The following EXOC2 variants were observed in gnomAD, a reference collection of about 807,000 sequenced individuals.
The protein encoded by EXOC2 is SEC5-like 1.
In EXOC2, 70 loss-of-function variants were observed where a neutral mutation model predicts 131.8. The observed-to-expected ratio is 0.53, with a 90% CI of 0.44 to 0.65. The LOEUF is 0.65. Among genes scored for constraint, EXOC2 ranks in the 30% least tolerant of loss-of-function variants. The pLI is 0.00. For synonymous variants in EXOC2, 411 were observed against 398.4 expected (o/e 1.03, Z -0.38); for missense variants, 923 against 1,108.6 (o/e 0.83, Z 2.38).
intron 23 of EXOC2, chr6:525,051 A>C (rs1581366337): frequency 6.6e-6 from 1 of 151,932 alleles, no homozygotes; most frequent in Admixed American, 6.5e-5. Flanking sequence ...AGTGCTTCTC[A>C]CAGCTGGGTT....
chr6:684,535 T>A (rs967917099), intron 1 of EXOC2, among the ~76,000 whole-genome samples: 1 of 152,226 alleles, frequency 6.6e-6, no homozygotes, highest in East Asian at 1.9e-4. Flanking sequence ...ATTTTCCTTA[T>A]AGATATACTA....
chr6:610,159 T>C lies in EXOC2; in HGVS notation c.681A>G (p.Glu227=), dbSNP rs1267150683. 1 of 1,613,940 alleles carries C rather than the reference T, an allele frequency of 6.2e-7. No homozygotes were observed. ...DALSAIHQKL[E]ADGTEKVEGS... ...CTTCTACTTTTTCCGTTCCATCTGC[T>C]TCTAGTTTTTGATGGATGGCTAGAA... The change falls in exon 7 of 28, where the codon GAA becomes GAG. Residue 227 remains glutamate, a synonymous_variant. Transcript: ENST00000230449.
intron 11 of EXOC2, among the ~76,000 whole-genome samples, chr6:589,290 C>A (rs1025989675): frequency 2.0e-5 from 3 of 151,752 alleles, no homozygotes; most frequent in Admixed American, 1.3e-4. Context: ...GTGTCTGGAA[C>A]GCGTCTCAAT....
rs143454293 is a variant in EXOC2, at chr6:549,073, G to A, written c.2238+102C>T. On this transcript the variant is annotated intron_variant, in intron 22 of 27. Transcript: ENST00000230449. ...AGCAGTGTGGCTGTGGGGGCGGCAC[G>A]CAGAGGGAATGGGCACTGCTAGCAG... is the stretch of plus-strand genomic sequence containing the variant. 2.2e-4 allele frequency: 194 copies of A among 895,436 alleles called. No homozygotes were observed. The African/African-American group carries it at 2.6e-3, about 12-fold the overall frequency. The allele number at this position is 895,436 out of a possible 1,614,324, so 55.5% of individuals were successfully genotyped here.
At chr6:590,015 T>TGAGGCAGGAGAATGGTGTGAACCTGG (rs1235787879) in intron 11 of EXOC2, among the ~76,000 whole-genome samples, 9 of 151,786 alleles carry the variant, frequency 5.9e-5, no homozygotes, top group African/African-American at 2.2e-4. Flanking sequence ...CTTGGGAGGC[T>TGAGGCAGGAGAATGGTGTGAACCTGG]GAGGCAGGAG....
rs1264525250 is a variant in EXOC2 at position 610,176 on chromosome 6, T to C, written c.664A>G (p.Ile222Val). 1.9e-6 allele frequency: 3 copies of C among 1,613,374 alleles called. No individual in the cohort carries two copies. Among genetic ancestry groups the C allele is most frequent in the Non-Finnish European group, 2.5e-6 (3 of 1,179,674 alleles). Residue 222 changes from isoleucine to valine, a missense_variant and splice_region_variant, in exon 7 of 28, where the codon ATC (isoleucine) becomes GTC (valine). Transcript: ENST00000230449. ...FFEAQDALSA[I>V]HQKLEADGTE... ...CCATCTGCTTCTAGTTTTTGATGGA[T>C]GGCTAGAAAAAAAAATCTAGTTAAA...
At chr6:663,327 C>T (rs1302797785) in intron 1 of EXOC2, among the ~76,000 whole-genome samples, 1 of 152,022 alleles carries the variant, frequency 6.6e-6, no homozygotes, top group Non-Finnish European at 1.5e-5. Context: ...AAGAAAAGTC[C>T]AGGACCAGAG....
intron 1 of EXOC2, among the ~76,000 whole-genome samples, chr6:680,910 C>T (rs763183521): frequency 5.3e-5 from 8 of 152,132 alleles, no homozygotes; most frequent in Non-Finnish European, 1.0e-4. Context: ...GAAACGGTGG[C>T]CGGGCTGACC....
intron 1 of EXOC2, among the ~76,000 whole-genome samples, chr6:643,107 C>G (rs1762428476): frequency 6.6e-6 from 1 of 152,082 alleles, no homozygotes; most frequent in Non-Finnish European, 1.5e-5. Context: ...ACAAGAGCTT[C>G]AAAACCCATT....
chr6:533,891 G>A (rs1384525580), intron 22 of EXOC2, among the ~76,000 whole-genome samples: 1 of 152,130 alleles, frequency 6.6e-6, no homozygotes, highest in Admixed American at 6.5e-5. Flanking sequence ...ATAAACACAC[G>A]TCTAAGGGAG....
intron 22 of EXOC2, among the ~76,000 whole-genome samples, chr6:541,142 AATG>A (rs1172830467): frequency 1.3e-5 from 2 of 152,204 alleles, no homozygotes; most frequent in East Asian, 3.8e-4. Flanking sequence ...ACCTCAGAAC[AATG>A]ATGTTAGAAA....
intron 4 of EXOC2, among the ~76,000 whole-genome samples, chr6:628,871 G>A (rs924252629): frequency 6.6e-6 from 1 of 152,112 alleles, no homozygotes; most frequent in Non-Finnish European, 1.5e-5. Flanking sequence ...ATCCTTAAAC[G>A]GCTCTAGAAT....
At chr6:625,298 C>T (rs1761498154) in intron 4 of EXOC2, among the ~76,000 whole-genome samples, 1 of 152,252 alleles carries the variant, frequency 6.6e-6, no homozygotes, top group Non-Finnish European at 1.5e-5. Flanking sequence ...AGCCACCCCA[C>T]ACACAGTGAG....
chr6:656,370 C>T (rs368806371), intron 1 of EXOC2: 9 of 1,614,098 alleles, frequency 5.6e-6, no homozygotes, highest in East Asian at 2.2e-5. Context: ...CGTCTCTATA[C>T]TCAGGGTCAT....
At position 625,192 on chromosome 6, in the gene EXOC2, C is replaced by A. The variant is rs549753182; in HGVS notation, c.422+4643G>T. Reference sequence around the variant, plus strand: ...GCGAAGAGACACAAACAGGCACGTTCTTCACACTTCAGCACTTGCTTTCCA... The same window carrying A: ...GCGAAGAGACACAAACAGGCACGTTATTCACACTTCAGCACTTGCTTTCCA... On this transcript the variant is annotated intron_variant, in intron 4 of 27. Transcript: ENST00000230449. Among the ~76,000 whole-genome samples the A allele has an allele frequency of 3.3e-5, 5 of 152,350 alleles. No homozygotes were observed. The South Asian group carries it at 6.2e-4, about 19-fold the overall frequency.
At chr6:548,913 G>C (rs1757000377) in intron 22 of EXOC2, among the ~76,000 whole-genome samples, 1 of 152,164 alleles carries the variant, frequency 6.6e-6, no homozygotes, top group African/African-American at 2.4e-5. Flanking sequence ...GAACAGCTCA[G>C]GTGAGGAGTA....
At chr6:504,600 C>T (rs1305322372) in intron 23 of EXOC2, among the ~76,000 whole-genome samples, 1 of 152,156 alleles carries the variant, frequency 6.6e-6, no homozygotes, top group Non-Finnish European at 1.5e-5. Flanking sequence ...ACAGAAAGAA[C>T]ACTTGAGATG....
intron 1 of EXOC2, among the ~76,000 whole-genome samples, chr6:677,862 T>C (rs1275036264): frequency 6.6e-6 from 1 of 151,852 alleles, no homozygotes. Context: ...TGTCCAATAC[T>C]CCACAACCAA....
intron 19 of EXOC2, 129 bp from the exon 20 acceptor site, chr6:555,417 A>C (rs1424562611): frequency 4.0e-6 from 2 of 499,466 alleles, no homozygotes; most frequent in Non-Finnish European, 7.1e-6. Flanking sequence ...TGTTGTGTGC[A>C]TGTATGAATA....
Sources: allele counts gnomAD v4.1 joint callset (sites outside exome capture counted in the v4.1 genomes callset), GRCh38; gene constraint gnomAD v4.1.1; transcripts MANE v1.5; gene names NCBI Gene and HGNC (gene_info 2026-07-23, HGNC 2026-07-21).